VPS35: variants seen among roughly 807,000 people sequenced by gnomAD.
VPS35 encodes the protein VPS35 retromer complex component.
VPS35 carries 21 observed loss-of-function variants against 98.1 expected under a neutral mutation model. That is an observed-to-expected ratio of 0.21 (90% CI 0.15 to 0.31). VPS35 has a LOEUF of 0.31. VPS35 is among the 10% of genes least tolerant of loss of function. VPS35 has a pLI of 1.00. For synonymous variants in VPS35, 268 were observed against 318.2 expected, an observed-to-expected ratio of 0.84 and a Z score of 1.68; for missense variants, 554 against 950.8, an observed-to-expected ratio of 0.58 and a Z score of 5.49.
rs1482607778 is a variant in VPS35 at position 46,668,092 on chromosome 16, G to A, written c.1647+838C>T. Among the ~76,000 whole-genome samples, 4 of 151,980 alleles carry A rather than the reference G, an allele frequency of 2.6e-5. No homozygotes were observed. The South Asian group carries it at 8.3e-4, about 32-fold the overall frequency. On this transcript the variant is annotated intron_variant, in intron 13 of 16. Transcript: ENST00000299138. ...TGCATACATCTTTTTTCTCTATTACGAGAAAATCAAGTCCATACTGAGGCC... is the reference window on the plus strand; with the variant it reads ...TGCATACATCTTTTTTCTCTATTACAAGAAAATCAAGTCCATACTGAGGCC...
At chr16:46,679,335 C>T (rs1007993492) in intron 5 of VPS35, among the ~76,000 whole-genome samples, 179 bp from the exon 6 acceptor site, 1 of 152,176 alleles carries the variant, frequency 6.6e-6, no homozygotes, top group African/African-American at 2.4e-5. Flanking sequence ...GTAAAAAGTA[C>T]CATGGAGAGG....
intron 13 of VPS35, 147 bp downstream of exon 13, chr16:46,668,779 TAACA>T: frequency 9.2e-7 from 1 of 1,083,108 alleles, no homozygotes; most frequent in Non-Finnish European, 1.3e-6. Flanking sequence ...ACAGGATAAG[TAACA>T]AATAGAGAGT....
intron 13 of VPS35, among the ~76,000 whole-genome samples, chr16:46,664,567 G>A (rs931367781): frequency 2.7e-5 from 4 of 150,798 alleles, no homozygotes; most frequent in Non-Finnish European, 5.9e-5. Flanking sequence ...TGTTGCCCAG[G>A]CTGGAGTGCA....
chr16:46,679,279 A>G (rs1260780882), intron 5 of VPS35, 123 bp from the exon 6 acceptor site: 2 of 901,810 alleles, frequency 2.2e-6, no homozygotes, highest in African/African-American at 3.3e-5. Flanking sequence ...AATCACTTTC[A>G]ACTTCATTGG....
chr16:46,682,337 C>T (rs1966247669), intron 2 of VPS35, 162 bp from the exon 3 acceptor site: 1 of 618,146 alleles, frequency 1.6e-6, no homozygotes, highest in African/African-American at 1.9e-5. Flanking sequence ...ATCGGTTCAC[C>T]TTGCCGTCTC....
intron 12 of VPS35, among the ~76,000 whole-genome samples, chr16:46,670,792 A>G (rs1054498302): frequency 1.3e-5 from 2 of 152,242 alleles, no homozygotes; most frequent in African/African-American, 4.8e-5. Flanking sequence ...CACTATCAAC[A>G]GAAGTCAGCC....
At position 46,662,961 on chromosome 16, in the gene VPS35, C is replaced by T. The variant is rs777261458; in HGVS notation, c.1827+22G>A. 24 of 1,613,998 alleles carry T rather than the reference C, an allele frequency of 1.5e-5. No individual in the cohort carries two copies. In the East Asian group the frequency reaches 1.8e-4, roughly 12 times the overall value. ...GAACCCAGCAGAGCTGACATGACAA[C>T]GCAGAAAGAACAGATCATCACCTGG... On this transcript the variant is annotated intron_variant, in intron 14 of 16. Coordinates refer to ENST00000299138, the MANE Select transcript of VPS35 (RefSeq NM_018206.6).
At chr16:46,681,748 G>A in intron 3 of VPS35, 1 of 553,548 alleles carries the variant, frequency 1.8e-6, no homozygotes, top group Non-Finnish European at 3.2e-6. Flanking sequence ...GTTTTGAAAT[G>A]GCAAATGATT....
intron 14 of VPS35, among the ~76,000 whole-genome samples, chr16:46,662,710 A>G (rs557944172): frequency 2.0e-5 from 3 of 152,324 alleles, no homozygotes; most frequent in African/African-American, 7.2e-5. Flanking sequence ...AGGGTTCCCA[A>G]ACTGGATTTT....
rs563452623 is a variant in VPS35, at chr16:46,663,210, T to C, written c.1648-48A>G. 10 of 1,542,474 alleles carry C rather than the reference T, an allele frequency of 6.5e-6. No homozygotes were observed. In the South Asian group the frequency reaches 1.1e-4, roughly 18 times the overall value. ...AAGTTACCTTAAATTCAAAATTAAC[T>C]TGTTCCAGGATATCCATTTTAATAG... On this transcript the variant is annotated intron_variant, in intron 13 of 16. Transcript: ENST00000299138.
rs545998096 is a variant in VPS35 at position 46,661,989 on chromosome 16, T to C, written c.2068-128A>G. ...CATAACAAATTTAAATCCTTTTCAT[T>C]CTCCTTCTTCTTGTTTTGAAGTATA... On this transcript the variant is annotated intron_variant, in intron 15 of 16. Coordinates refer to ENST00000299138, the MANE Select transcript of VPS35 (RefSeq NM_018206.6). The surrounding 1 kb of genome is among the most constrained non-coding windows in gnomAD (Gnocchi z 4.3). 1 of 1,395,546 alleles carries C rather than the reference T, an allele frequency of 7.2e-7. No individual in the cohort carries two copies. The highest frequency in any genetic ancestry group is 9.9e-7 in the Non-Finnish European group (1 of 1,012,190). The allele number at this position is 1,395,546 out of a possible 1,614,324, so 86.4% of individuals were successfully genotyped here. A position where few individuals can be genotyped will look rare whatever the true frequency, so the allele number is the denominator to read the frequency against.
rs573828219 is a variant in VPS35 at position 46,684,342 on chromosome 16, A to T, written c.4-736T>A. Among the ~76,000 whole-genome samples, 52 of 152,226 alleles carry T rather than the reference A, an allele frequency of 3.4e-4. 1 individual carries two copies. Among genetic ancestry groups the T allele is most frequent in the Admixed American group, 1.3e-3 (20 of 15,286 alleles). ...AGTCTATTCTTAAGACAGACTAAGGAACTAGTTTACGAGAACAGTGACCAG... is the reference window on the plus strand; with the variant it reads ...AGTCTATTCTTAAGACAGACTAAGGTACTAGTTTACGAGAACAGTGACCAG... On this transcript the variant is annotated intron_variant, in intron 1 of 16. Transcript: ENST00000299138.
At chr16:46,688,242 T>C (rs559027182) in intron 1 of VPS35, 1 of 906,170 alleles carries the variant, frequency 1.1e-6, no homozygotes, top group East Asian at 1.2e-4. Context: ...GGACATACAG[T>C]ATATACTCAA....
At chr16:46,677,828 T>A (rs1966174213) in intron 6 of VPS35, 1 of 190,236 alleles carries the variant, frequency 5.3e-6, no homozygotes, top group South Asian at 1.0e-4. Flanking sequence ...GGCTTGTGCT[T>A]GTATATCCTC....
At position 46,676,572 on chromosome 16, in the gene VPS35, G is replaced by C. The variant is rs1966155977; in HGVS notation, c.914+11C>G. The C allele has an allele frequency of 6.6e-7, 1 of 1,520,546 alleles. No individual in the cohort carries two copies. The highest frequency in any genetic ancestry group is 9.1e-7 in the Non-Finnish European group (1 of 1,096,452). 94.2% of individuals were successfully genotyped at this position (1,520,546 alleles called of 1,614,324 possible). A position where few individuals can be genotyped will look rare whatever the true frequency, so the allele number is the denominator to read the frequency against. On this transcript the variant is annotated intron_variant, in intron 8 of 16. Transcript: ENST00000299138. ...TCAGAGCATTTATCCGCCAGTGTTGGAAGGTCTTACCTATCAATTAAAGCA... is the reference window on the plus strand; with the variant it reads ...TCAGAGCATTTATCCGCCAGTGTTGCAAGGTCTTACCTATCAATTAAAGCA...
intron 13 of VPS35, among the ~76,000 whole-genome samples, chr16:46,667,142 T>A (rs935421788): frequency 6.6e-6 from 1 of 152,246 alleles, no homozygotes; most frequent in African/African-American, 2.4e-5. Context: ...TTTCTGTTTT[T>A]TTGATAACAG....
intron 4 of VPS35, among the ~76,000 whole-genome samples, 167 bp downstream of exon 4, chr16:46,681,210 C>T (rs760270093): frequency 6.6e-6 from 1 of 151,656 alleles, no homozygotes; most frequent in African/African-American, 2.4e-5. Flanking sequence ...CTACATAAAA[C>T]GTAAATCTAG....
chr16:46,682,222 A>C (rs1454282255), intron 2 of VPS35, 47 bp from the exon 3 acceptor site: 8 of 1,373,710 alleles, frequency 5.8e-6, no homozygotes, highest in Non-Finnish European at 7.2e-6. Flanking sequence ...ATTTAAATAA[A>C]CATTTATCTT....
rs769187894 is a variant in VPS35 at position 46,683,546 on chromosome 16, C to T, written c.64G>A (p.Ala22Thr). ...QEKLLDEAIQ[A>T]VKVQSFQMKR... ...ATTTGGAATGACTGGACCTTCACAG[C>T]CTGTATGGCTTCATCCAAGAGCTTT... The change falls in exon 2 of 17, where the codon GCT (alanine) becomes ACT (threonine). Residue 22 changes from alanine (A) to threonine (T), a missense_variant. Transcript: ENST00000299138. 5.0e-6 allele frequency: 8 copies of T among 1,614,008 alleles called. No homozygotes were observed. The Admixed American group carries it at 1.0e-4, about 20-fold the overall frequency.
Sources: gnomAD v4.1 joint callset for allele counts (sites outside exome capture counted in the v4.1 genomes callset) on GRCh38, gnomAD v4.1.1 for gene constraint, Gnocchi (gnomAD v3.1) non-coding constraint, MANE v1.5 for transcripts, NCBI Gene and HGNC (gene_info 2026-07-23, HGNC 2026-07-21) for gene names.